The following ITPR1 variants were observed in gnomAD, a reference collection of about 807,000 sequenced individuals.
ITPR1 encodes inositol 1,4,5-trisphosphate-gated calcium channel ITPR1.
In ITPR1, 96 loss-of-function variants were observed where a neutral mutation model predicts 318.4. The ratio of observed to expected loss-of-function variants is 0.30; its 90% confidence interval spans 0.26 to 0.36. The LOEUF is 0.36. ITPR1 is among the 10% of genes least tolerant of loss of function. The probability of loss-of-function intolerance (pLI) is 1.00; values close to 1 mark genes in which losing one functional copy is unlikely to be tolerated. For missense variants in ITPR1, 2,440 were observed against 3,460.2 expected (o/e 0.71, Z 7.40); for synonymous variants, 1,312 against 1,289.9 (o/e 1.02, Z -0.37).
chr3:4,783,277 C>T (rs559127369), intron 50 of ITPR1, among the ~76,000 whole-genome samples: 5 of 152,110 alleles, frequency 3.3e-5, no homozygotes, highest in South Asian at 2.1e-4. Context: ...TTTTGGATGC[C>T]GACGTGCCTT....
At position 4,669,641 on chromosome 3, in the gene ITPR1, T is replaced by G; in HGVS notation, c.1887-13T>G. ...CTATCTACAGAAAATGTTTTGTTTC[T>G]GTTTCTGTTTAGATTCTTAGATTAC... is the stretch of plus-strand genomic sequence containing the variant. On this transcript the variant is annotated splice_polypyrimidine_tract_variant and intron_variant, in intron 18 of 61. Coordinates refer to ENST00000649015, the MANE Select transcript of ITPR1 (RefSeq NM_001378452.1). 6.2e-7 allele frequency: 1 copy of G among 1,607,036 alleles called. No homozygotes were observed. Among genetic ancestry groups the G allele is most frequent in the Non-Finnish European group, 8.5e-7 (1 of 1,175,888 alleles).
chr3:4,504,411 A>G (rs999898884), intron 2 of ITPR1, among the ~76,000 whole-genome samples: 2 of 152,196 alleles, frequency 1.3e-5, no homozygotes, highest in Non-Finnish European at 2.9e-5. Context: ...GCCTTGCTTA[A>G]AGATGAAACT....
chr3:4,536,094 G>A (rs1025447580), intron 4 of ITPR1, among the ~76,000 whole-genome samples: 2 of 152,114 alleles, frequency 1.3e-5, no homozygotes, highest in African/African-American at 4.8e-5. Context: ...GAGGTTTCTG[G>A]TCCTTCATTG....
At chr3:4,608,744 A>G (rs1463862674) in intron 4 of ITPR1, among the ~76,000 whole-genome samples, 2 of 151,928 alleles carry the variant, frequency 1.3e-5, no homozygotes, top group South Asian at 2.1e-4. Context: ...GCTCATGCCT[A>G]TAATCCCAGC....
chr3:4,685,023 G>T (rs993343430), intron 29 of ITPR1, 46 bp from the exon 30 acceptor site: 6 of 1,587,676 alleles, frequency 3.8e-6, no homozygotes, highest in Non-Finnish European at 5.1e-6. Context: ...TCTTTTTCCA[G>T]CTATAGTTCC....
intron 60 of ITPR1, among the ~76,000 whole-genome samples, chr3:4,829,220 C>T (rs1309702715): frequency 2.6e-5 from 4 of 152,284 alleles, no homozygotes; most frequent in Admixed American, 6.5e-5. Flanking sequence ...ACTCATTCAC[C>T]GTCCTGTATA....
intron 35 of ITPR1, among the ~76,000 whole-genome samples, chr3:4,700,862 G>A (rs1427945948): frequency 6.6e-6 from 1 of 152,192 alleles, no homozygotes; most frequent in East Asian, 1.9e-4. Context: ...CATGGCAGCA[G>A]ACAAGAGAAG....
At chr3:4,648,480 G>A (rs2093516778) in intron 10 of ITPR1, among the ~76,000 whole-genome samples, 1 of 152,084 alleles carries the variant, frequency 6.6e-6, no homozygotes, top group Non-Finnish European at 1.5e-5. Context: ...AATACGCTGG[G>A]TAAAACAGAT....
Position 4,642,063 on chromosome 3 carries a change from A to G in ITPR1, c.367-30A>G, listed in dbSNP as rs370002487. 149 of 1,520,230 alleles carry G rather than the reference A, an allele frequency of 9.8e-5. No homozygotes were observed. The African/African-American group carries it at 1.8e-3, about 18-fold the overall frequency. The allele number at this position is 1,520,230 out of a possible 1,614,324, so 94.2% of individuals were successfully genotyped here. A position where few individuals can be genotyped will look rare whatever the true frequency, so the allele number is the denominator to read the frequency against. On this transcript the variant is annotated intron_variant, in intron 6 of 61. Coordinates refer to ENST00000649015, the MANE Select transcript of ITPR1 (RefSeq NM_001378452.1). ...TGGTAGAAAATTCAGATTTGCTGACACTCACTTTATTCTCTTGGTGGGTTT... is the reference window on the plus strand; with the variant it reads ...TGGTAGAAAATTCAGATTTGCTGACGCTCACTTTATTCTCTTGGTGGGTTT...
At chr3:4,753,968 A>G (rs74720729) in intron 44 of ITPR1, among the ~76,000 whole-genome samples, 2,587 of 146,652 alleles carry the variant, frequency 0.018, 70 homozygotes, top group African/African-American at 0.06. Context: ...AGTCACCCCT[A>G]TGCGTATGTT....
chr3:4,656,472 G>A (rs879403453), intron 12 of ITPR1, among the ~76,000 whole-genome samples: 14 of 152,178 alleles, frequency 9.2e-5, no homozygotes, highest in Non-Finnish European at 1.6e-4. Context: ...TTCCTTTAGC[G>A]TAGATAGAAT....
At chr3:4,817,107 C>T (rs904545117) in intron 59 of ITPR1, among the ~76,000 whole-genome samples, 3 of 152,140 alleles carry the variant, frequency 2.0e-5, no homozygotes, top group African/African-American at 4.8e-5. Context: ...ATGTCATCAT[C>T]GTTTTCTATG....
chr3:4,652,279 A>T, intron 11 of ITPR1, 61 bp downstream of exon 11: 1 of 1,163,126 alleles, frequency 8.6e-7, no homozygotes, highest in African/African-American at 1.5e-5. Flanking sequence ...GCCTTTCCTC[A>T]TTCGCCTGTA....
intron 47 of ITPR1, among the ~76,000 whole-genome samples, chr3:4,776,382 T>G (rs1040347642): frequency 1.3e-5 from 2 of 152,202 alleles, no homozygotes; most frequent in Admixed American, 6.5e-5. Context: ...GTATGTTTTT[T>G]AATACCAAAT....
intron 4 of ITPR1, among the ~76,000 whole-genome samples, chr3:4,521,787 C>T (rs73003299): frequency 6.6e-6 from 1 of 152,132 alleles, no homozygotes; most frequent in Non-Finnish European, 1.5e-5. Context: ...GGAGGATCAC[C>T]TGAGCCTGGG....
intron 60 of ITPR1, among the ~76,000 whole-genome samples, chr3:4,834,533 CCCCTCG>C (rs1477715556): frequency 6.6e-6 from 1 of 152,188 alleles, no homozygotes. Flanking sequence ...CATCCCTCCT[CCCCTCG>C]CCCTAGTGGG....
intron 44 of ITPR1, among the ~76,000 whole-genome samples, chr3:4,745,183 T>A (rs1315248115): frequency 6.8e-6 from 1 of 147,708 alleles, no homozygotes; most frequent in African/African-American, 2.5e-5. Context: ...TTTTCCTTCA[T>A]TTTTTTCTTT....
intron 4 of ITPR1, among the ~76,000 whole-genome samples, chr3:4,544,576 G>C (rs570515672): frequency 1.3e-5 from 2 of 152,304 alleles, no homozygotes; most frequent in Admixed American, 6.5e-5. Flanking sequence ...TGATGCCTTA[G>C]TTTGGCTAGC....
intron 4 of ITPR1, among the ~76,000 whole-genome samples, chr3:4,579,982 G>C (rs546543163): frequency 6.6e-6 from 1 of 152,140 alleles, no homozygotes; most frequent in Non-Finnish European, 1.5e-5. Flanking sequence ...AGGCCGAGAC[G>C]GGTGGATCAC....
Sources: gnomAD v4.1 joint callset for allele counts (sites outside exome capture counted in the v4.1 genomes callset) on GRCh38, gnomAD v4.1.1 for gene constraint, MANE v1.5 for transcripts, NCBI Gene and HGNC (gene_info 2026-07-23, HGNC 2026-07-21) for gene names.